The following IL26 variants were observed in gnomAD, a reference collection of about 807,000 sequenced individuals.
IL26 encodes the protein interleukin-26.
A neutral mutation model predicts 21.7 loss-of-function variants in IL26; 23 were observed. The ratio of observed to expected loss-of-function variants is 1.06; its 90% confidence interval spans 0.76 to 1.50. The LOEUF is 1.50. IL26 is among the 40% of genes most tolerant of loss of function. The pLI is 0.00. For synonymous variants in IL26, 63 were observed against 67.8 expected, an observed-to-expected ratio of 0.93 and a Z score of 0.34; for missense variants, 204 against 196.0, an observed-to-expected ratio of 1.04 and a Z score of -0.24.
At position 68,211,143 on chromosome 12, in the gene IL26, A is replaced by T. The variant is rs1280322109; in HGVS notation, c.364-9060T>A. Among the ~76,000 whole-genome samples, 6 of 152,136 alleles carry T rather than the reference A, an allele frequency of 3.9e-5. No homozygotes were observed. In the East Asian group the frequency reaches 1.2e-3, roughly 29 times the overall value. On this transcript the variant is annotated intron_variant, in intron 3 of 4. Coordinates refer to ENST00000229134, the MANE Select transcript of IL26 (RefSeq NM_018402.2). ...TCAACCTATTCACTGTCTTCATGAG[A>T]TCCACTTTATTAGCTCCCACAAATG...
At chr12:68,223,180 G>A (rs971589573) in intron 3 of IL26, among the ~76,000 whole-genome samples, 1 of 152,094 alleles carries the variant, frequency 6.6e-6, no homozygotes, top group Non-Finnish European at 1.5e-5. Flanking sequence ...TTTACCCCAG[G>A]GCATAAACTG....
chr12:68,211,743 T>C (rs968420455), intron 3 of IL26, among the ~76,000 whole-genome samples: 1 of 152,200 alleles, frequency 6.6e-6, no homozygotes, highest in African/African-American at 2.4e-5. Flanking sequence ...CTTTTTGCTA[T>C]TGAGTTCTTT....
At chr12:68,204,141 A>ATTTTTTTTT (rs6144754) in intron 3 of IL26, among the ~76,000 whole-genome samples, 4 of 113,214 alleles carry the variant, frequency 3.5e-5, no homozygotes, top group South Asian at 2.8e-4. Context: ...GGATTCAAAG[A>ATTTTTTTTT]TTTTTTTTTT....
At chr12:68,213,125 T>G (rs1405011668) in intron 3 of IL26, among the ~76,000 whole-genome samples, 1 of 151,896 alleles carries the variant, frequency 6.6e-6, no homozygotes, top group East Asian at 1.9e-4. Flanking sequence ...ACTTTTTCAA[T>G]ATCTATTGAA....
chr12:68,204,837 T>C (rs1418742527), intron 3 of IL26, among the ~76,000 whole-genome samples: 1 of 152,222 alleles, frequency 6.6e-6, no homozygotes, highest in Non-Finnish European at 1.5e-5. Context: ...CTGTTGTAAA[T>C]GTGTCCACAG....
chr12:68,207,722 T>C (rs751932585), intron 3 of IL26, among the ~76,000 whole-genome samples: 15 of 152,188 alleles, frequency 9.9e-5, no homozygotes, highest in Admixed American at 3.9e-4. Context: ...AGTTGCCAGA[T>C]GCTTTAATAT....
chr12:68,212,867 T>C lies in IL26; in HGVS notation c.364-10784A>G, dbSNP rs547803272. ...ATAATTTAACTTCTTCCTTTTCAAATTGAATGCACTTTATTTCCTTCTCTT... is the reference window on the plus strand; with the variant it reads ...ATAATTTAACTTCTTCCTTTTCAAACTGAATGCACTTTATTTCCTTCTCTT... On this transcript the variant is annotated intron_variant, in intron 3 of 4. Coordinates refer to ENST00000229134, the MANE Select transcript of IL26 (RefSeq NM_018402.2). 3.5e-4 allele frequency among the ~76,000 whole-genome samples: 53 copies of C among 152,240 alleles called. 2 individuals are homozygous for C. Among genetic ancestry groups the C allele is most frequent in the African/African-American group, 1.3e-3 (52 of 41,564 alleles).
intron 3 of IL26, among the ~76,000 whole-genome samples, chr12:68,210,395 A>T (rs1868686568): frequency 6.9e-6 from 1 of 145,220 alleles, no homozygotes; most frequent in Admixed American, 7.0e-5. Context: ...CAGCACAAGC[A>T]CTAGGACACC....
intron 3 of IL26, among the ~76,000 whole-genome samples, chr12:68,218,666 T>A (rs1313779436): frequency 6.6e-5 from 10 of 151,938 alleles, no homozygotes. Context: ...AGTTTTTGAA[T>A]AAATAATGCT....
intron 3 of IL26, among the ~76,000 whole-genome samples, chr12:68,221,462 A>G (rs1193841847): frequency 1.3e-5 from 2 of 152,222 alleles, no homozygotes; most frequent in East Asian, 1.9e-4. Context: ...TTGCCTATGA[A>G]CAGGAATAAA....
chr12:68,222,007 A>G (rs1869059122), intron 3 of IL26, among the ~76,000 whole-genome samples: 1 of 152,234 alleles, frequency 6.6e-6, no homozygotes, highest in African/African-American at 2.4e-5. Flanking sequence ...CTATTTGGTA[A>G]AATATAATTA....
chr12:68,203,535 A>G (rs1184033536), intron 3 of IL26, among the ~76,000 whole-genome samples: 3 of 152,238 alleles, frequency 2.0e-5, no homozygotes. Flanking sequence ...GATAAGAGTT[A>G]AAACTCGTGA....
chr12:68,225,684 G>C lies in IL26; in HGVS notation c.73C>G (p.Gln25Glu), dbSNP rs1869226476. Residue 25 changes from glutamine (Q) to glutamate (E), a missense_variant, in exon 1 of 5, where the codon CAA becomes GAA. Physicochemically the swap from Gln to Glu is conservative, Grantham distance 29. Transcript: ENST00000229134. ...TAACAACTTTTGGTGAAGGAAGATT[G>C]CTTGTGCTTGGCAATGGCAAGAGAC... Reference protein sequence around the residue: ...TLSLAIAKHKQSSFTKSCYPR... With the variant: ...TLSLAIAKHKESSFTKSCYPR... The C allele has an allele frequency of 1.2e-6, 2 of 1,613,940 alleles. No individual in the cohort carries two copies. The highest frequency in any genetic ancestry group is 2.2e-5 in the South Asian group (2 of 91,088).
At chr12:68,218,557 A>T (rs1868957525) in intron 3 of IL26, among the ~76,000 whole-genome samples, 1 of 152,078 alleles carries the variant, frequency 6.6e-6, no homozygotes, top group Non-Finnish European at 1.5e-5. Flanking sequence ...GGAAAAAACA[A>T]CCCACAGAAT....
chr12:68,204,935 T>G (rs1360848415), intron 3 of IL26, among the ~76,000 whole-genome samples: 2 of 152,188 alleles, frequency 1.3e-5, no homozygotes, highest in Non-Finnish European at 2.9e-5. Context: ...TTCCTTTTCT[T>G]TATATTTTTG....
chr12:68,219,098 A>G (rs1475375501), intron 3 of IL26, among the ~76,000 whole-genome samples: 1 of 152,022 alleles, frequency 6.6e-6, no homozygotes, highest in Admixed American at 6.5e-5. Context: ...TTCACAATTA[A>G]TGTCAGAGAT....
At chr12:68,224,163 T>C (rs1869156126) in intron 3 of IL26, among the ~76,000 whole-genome samples, 1 of 152,110 alleles carries the variant, frequency 6.6e-6, no homozygotes, top group African/African-American at 2.4e-5. Context: ...TTGTACCATC[T>C]GCAAGCTACA....
chr12:68,223,171 T>C (rs1193550438), intron 3 of IL26, among the ~76,000 whole-genome samples: 1 of 152,206 alleles, frequency 6.6e-6, no homozygotes, highest in African/African-American at 2.4e-5. Context: ...GGAGCTTGCT[T>C]TACCCCAGGG....
In IL26 at chr12:68,225,648, T is replaced by C; in HGVS notation, c.109A>G (p.Thr37Ala). The C allele has an allele frequency of 6.2e-7, 1 of 1,614,130 alleles. No individual in the cohort carries two copies. Among genetic ancestry groups the C allele is most frequent in the Non-Finnish European group, 8.5e-7 (1 of 1,179,964 alleles). ...SFTKSCYPRG[T>A]LSQAVDALYI... is the part of the protein sequence containing the mutation. ...AGAGCGTCAACAGCTTGGGACAATG[T>C]TCCCCTTGGGTAACAACTTTTGGTG... The change falls in exon 1 of 5, where the codon ACA (threonine) becomes GCA (alanine). Residue 37 changes from threonine (T) to alanine (A), a missense_variant. Coordinates refer to ENST00000229134, the MANE Select transcript of IL26 (RefSeq NM_018402.2).
Sources: allele counts gnomAD v4.1 joint callset (sites outside exome capture counted in the v4.1 genomes callset), GRCh38; gene constraint gnomAD v4.1.1; transcripts MANE v1.5; gene names NCBI Gene and HGNC (gene_info 2026-07-23, HGNC 2026-07-21).